GFRAL: variants seen among roughly 807,000 people sequenced by gnomAD.
The protein encoded by GFRAL is GDNF family receptor alpha-like.
In GFRAL, 36 loss-of-function variants were observed where a neutral mutation model predicts 45.4. The ratio of observed to expected loss-of-function variants is 0.79; its 90% CI spans 0.61 to 1.05. The LOEUF (loss-of-function observed/expected upper bound fraction) is 1.05, where lower values mean the gene tolerates loss of function less well. GFRAL is among the 50% of genes least tolerant of loss of function. GFRAL has a pLI of 0.00. For missense variants in GFRAL, 507 were observed against 467.5 expected, an observed-to-expected ratio of 1.08 and a Z score of -0.78; for synonymous variants, 166 against 154.1, an observed-to-expected ratio of 1.08 and a Z score of -0.57.
chr6:55,357,130 C>T (rs1014967912), intron 5 of GFRAL, among the ~76,000 whole-genome samples: 5 of 151,812 alleles, frequency 3.3e-5, no homozygotes, highest in East Asian at 3.9e-4. Context: ...CCATTGACAA[C>T]GATCTGCGTG....
At chr6:55,347,160 A>G (rs1768054845) in intron 3 of GFRAL, among the ~76,000 whole-genome samples, 1 of 152,160 alleles carries the variant, frequency 6.6e-6, no homozygotes, top group Admixed American at 6.6e-5. Flanking sequence ...GGCTGGAAAG[A>G]GTCTATGAAT....
intron 3 of GFRAL, among the ~76,000 whole-genome samples, chr6:55,339,453 G>T (rs57724557): frequency 0.025 from 3,741 of 152,104 alleles, 159 homozygotes; most frequent in African/African-American, 0.084. Context: ...AGATATAGAG[G>T]TTTATGAGTA....
chr6:55,345,256 A>T (rs1171076022), intron 3 of GFRAL, among the ~76,000 whole-genome samples: 1 of 152,206 alleles, frequency 6.6e-6, no homozygotes, highest in Non-Finnish European at 1.5e-5. Flanking sequence ...AGCCAAAAGA[A>T]CAAAGCTGGA....
intron 6 of GFRAL, among the ~76,000 whole-genome samples, chr6:55,387,812 G>A (rs1239033887): frequency 5.3e-5 from 8 of 152,144 alleles, no homozygotes; most frequent in Admixed American, 5.2e-4. Flanking sequence ...AAAGTTGCAA[G>A]AATGTTTTAA....
intron 6 of GFRAL, among the ~76,000 whole-genome samples, chr6:55,369,036 C>A (rs1360003561): frequency 1.3e-5 from 2 of 150,474 alleles, no homozygotes; most frequent in African/African-American, 2.5e-5. Flanking sequence ...CGCCCCTACC[C>A]CAGCCTGGCT....
chr6:55,329,768 T>C (rs557944984), intron 1 of GFRAL, among the ~76,000 whole-genome samples: 2 of 152,020 alleles, frequency 1.3e-5, no homozygotes, highest in South Asian at 4.1e-4. Context: ...CCAAATGCAG[T>C]GACCCAGCAA....
At chr6:55,341,532 T>A (rs1767965336) in intron 3 of GFRAL, among the ~76,000 whole-genome samples, 1 of 151,806 alleles carries the variant, frequency 6.6e-6, no homozygotes, top group Non-Finnish European at 1.5e-5. Context: ...TACATCACCA[T>A]CATGAAAGAC....
At chr6:55,351,694 C>T (rs944372035) in intron 5 of GFRAL, 111 bp downstream of exon 5, 3 of 692,536 alleles carry the variant, frequency 4.3e-6, no homozygotes, top group African/African-American at 3.6e-5. Flanking sequence ...CATCATCCAA[C>T]ATAGTGTAAA....
rs530328762 is a variant in GFRAL at position 55,336,106 on chromosome 6, G to T, written c.316+2162G>T. ...ATTACAGGCATGTGCCACCACACCAGCTAAGTTTTGTATTTTTAGTAGAAA... is the reference window on the plus strand; with the variant it reads ...ATTACAGGCATGTGCCACCACACCATCTAAGTTTTGTATTTTTAGTAGAAA... On this transcript the variant is annotated intron_variant, in intron 3 of 8. Coordinates refer to ENST00000340465, the MANE Select transcript of GFRAL (RefSeq NM_207410.2). 2.0e-5 allele frequency among the ~76,000 whole-genome samples: 3 copies of T among 152,180 alleles called. No homozygotes were observed. In the South Asian group the frequency reaches 6.2e-4, roughly 32 times the overall value.
chr6:55,360,495 A>C (rs1219822363), intron 6 of GFRAL, among the ~76,000 whole-genome samples: 1 of 152,004 alleles, frequency 6.6e-6, no homozygotes, highest in Non-Finnish European at 1.5e-5. Flanking sequence ...GGAGATGCAC[A>C]TTAGCCAATG....
chr6:55,384,998 C>A (rs921507054), intron 6 of GFRAL, among the ~76,000 whole-genome samples: 3 of 151,960 alleles, frequency 2.0e-5, no homozygotes, highest in African/African-American at 7.3e-5. Context: ...TAGATGAGAT[C>A]CACCTGTGCA....
intron 6 of GFRAL, among the ~76,000 whole-genome samples, chr6:55,367,357 C>G (rs1270487901): frequency 7.0e-6 from 1 of 142,854 alleles, no homozygotes; most frequent in Non-Finnish European, 1.5e-5. Flanking sequence ...GATGGGTTTC[C>G]TGAATACAGC....
intron 6 of GFRAL, among the ~76,000 whole-genome samples, chr6:55,359,917 C>T (rs557079518): frequency 3.2e-4 from 49 of 152,054 alleles, no homozygotes; most frequent in African/African-American, 1.1e-3. Context: ...CTCTAACAAC[C>T]TACTATGATT....
intron 2 of GFRAL, among the ~76,000 whole-genome samples, chr6:55,332,338 G>C (rs957172411): frequency 6.6e-6 from 1 of 151,930 alleles, no homozygotes; most frequent in Admixed American, 6.6e-5. Flanking sequence ...TTTTTAACTT[G>C]GCCTACCTTC....
intron 3 of GFRAL, among the ~76,000 whole-genome samples, chr6:55,338,808 G>A (rs1460416347): frequency 2.6e-5 from 4 of 152,128 alleles, no homozygotes; most frequent in Non-Finnish European, 5.9e-5. Flanking sequence ...TTTAACACTG[G>A]AAAGAAATCA....
intron 6 of GFRAL, among the ~76,000 whole-genome samples, chr6:55,374,478 TG>T (rs1768497674): frequency 6.6e-6 from 1 of 152,126 alleles, no homozygotes; most frequent in Admixed American, 6.5e-5. Context: ...TAGTGTTGCT[TG>T]TTTTTTTTCT....
intron 3 of GFRAL, among the ~76,000 whole-genome samples, chr6:55,341,051 G>A (rs775337388): frequency 5.3e-5 from 8 of 152,176 alleles, no homozygotes; most frequent in Non-Finnish European, 8.8e-5. Context: ...GGAGCCCATC[G>A]CAGCTCAAGG....
chr6:55,361,884 C>A (rs530705356), intron 6 of GFRAL, among the ~76,000 whole-genome samples: 12 of 152,110 alleles, frequency 7.9e-5, no homozygotes, highest in African/African-American at 2.9e-4. Flanking sequence ...ACTGAGAGGA[C>A]TGTGAAGGGA....
chr6:55,331,890 T>C, intron 2 of GFRAL, 41 bp downstream of exon 2: 2 of 1,559,856 alleles, frequency 1.3e-6, no homozygotes, highest in Admixed American at 1.8e-5. Flanking sequence ...GATTTATTTT[T>C]ACTAAGATAA....
Sources: allele counts gnomAD v4.1 joint callset (sites outside exome capture counted in the v4.1 genomes callset), GRCh38; gene constraint gnomAD v4.1.1; transcripts MANE v1.5; gene names NCBI Gene and HGNC (gene_info 2026-07-23, HGNC 2026-07-21).